Variants in INPP4B observed in about 807,000 individuals in gnomAD.
INPP4B encodes inositol polyphosphate-4-phosphatase type II B.
A neutral mutation model predicts 122.5 loss-of-function variants in INPP4B; 55 were observed. That is an observed-to-expected ratio of 0.45 (90% CI 0.36 to 0.56). The LOEUF is 0.56. Ranked by LOEUF, INPP4B falls within the 20% of genes least tolerant of loss-of-function variation. The pLI is 0.00. For synonymous variants in INPP4B, 403 were observed against 388.7 expected (o/e 1.04, Z -0.43); for missense variants, 1,000 against 1,097.7 (o/e 0.91, Z 1.26).
chr4:142,293,496 C>T (rs2636632), intron 9 of INPP4B, among the ~76,000 whole-genome samples: 123,363 of 152,106 alleles, frequency 0.81, 50,360 homozygotes, highest in East Asian at 0.93. Context: ...CTATTACTTC[C>T]GTCTTATTCT....
intron 25 of INPP4B, among the ~76,000 whole-genome samples, chr4:142,042,562 T>TATGTATGTATGTATGTATGTATG (rs1560915662): frequency 2.9e-5 from 1 of 34,704 alleles, no homozygotes; most frequent in African/African-American, 4.8e-5. Flanking sequence ...ATGTATGTAT[T>TATGTATGTATGTATGTATGTATG]TATTTATTTA....
intron 9 of INPP4B, among the ~76,000 whole-genome samples, chr4:142,284,506 G>C (rs918433799): frequency 2.0e-5 from 3 of 152,144 alleles, no homozygotes; most frequent in Admixed American, 2.0e-4. Flanking sequence ...TTCCTTCTCA[G>C]GGAAATGAAA....
At chr4:142,752,130 G>A (rs1356826912) in intron 1 of INPP4B, among the ~76,000 whole-genome samples, 1 of 151,990 alleles carries the variant, frequency 6.6e-6, no homozygotes, top group Non-Finnish European at 1.5e-5. Context: ...ACCTACTTAA[G>A]GAAGTAGACT....
chr4:142,134,272 C>T (rs1313488343), intron 18 of INPP4B, among the ~76,000 whole-genome samples: 1 of 152,050 alleles, frequency 6.6e-6, no homozygotes, highest in Non-Finnish European at 1.5e-5. Flanking sequence ...GGATGTGAGA[C>T]GCAGAGAATG....
intron 2 of INPP4B, among the ~76,000 whole-genome samples, chr4:142,717,219 G>C (rs1198028845): frequency 6.6e-6 from 1 of 152,150 alleles, no homozygotes; most frequent in Non-Finnish European, 1.5e-5. Flanking sequence ...AGTAAATTTT[G>C]AGACTAAATT....
rs950476330 is a variant in INPP4B at position 142,457,924 on chromosome 4, T to G, written c.-127+4739A>C. Among the ~76,000 whole-genome samples, 5 of 152,168 alleles carry G rather than the reference T, an allele frequency of 3.3e-5. No individual in the cohort carries two copies. In the East Asian group the frequency reaches 9.6e-4, roughly 29 times the overall value. Reference sequence around the variant, plus strand: ...TCTGGTAGTTTCTTATAAAATTAAATACACACCTACAGTATGACTCAGCAA... The same window carrying G: ...TCTGGTAGTTTCTTATAAAATTAAAGACACACCTACAGTATGACTCAGCAA... On this transcript the variant is annotated intron_variant, in intron 3 of 25. Transcript: ENST00000262992.
At chr4:142,531,395 T>C (rs1456304171) in intron 2 of INPP4B, among the ~76,000 whole-genome samples, 2 of 152,242 alleles carry the variant, frequency 1.3e-5, no homozygotes, top group African/African-American at 4.8e-5. Flanking sequence ...GAAAATTAAT[T>C]CTGTGATTTA....
chr4:142,281,159 C>T (rs1346414259), intron 9 of INPP4B, among the ~76,000 whole-genome samples: 3 of 150,720 alleles, frequency 2.0e-5, no homozygotes, highest in African/African-American at 7.3e-5. Flanking sequence ...GAAAAGAGTG[C>T]TACACCTTTT....
chr4:142,160,411 T>C lies in INPP4B; in HGVS notation c.1510A>G (p.Met504Val), dbSNP rs746650327. 1.9e-6 allele frequency: 3 copies of C among 1,604,300 alleles called. No homozygotes were observed. ...ESSPQDQPPV[M>V]RGQDSIPHHS... The stretch of plus-strand genomic sequence containing the variant: ...TGTGGTATGGAGTCCTGCCCTCTCA[T>C]CACTGGGGGTTGGTCTTGGGGACTG... The change falls in exon 17 of 26, where the codon ATG (methionine) becomes GTG (valine). Residue 504 changes from methionine to valine, a missense_variant. Transcript: ENST00000262992.
chr4:142,293,665 T>C (rs1757381087), intron 9 of INPP4B, among the ~76,000 whole-genome samples: 1 of 152,220 alleles, frequency 6.6e-6, no homozygotes, highest in Non-Finnish European at 1.5e-5. Flanking sequence ...GAAGCACTAT[T>C]GCAAACAATC....
intron 23 of INPP4B, among the ~76,000 whole-genome samples, chr4:142,099,272 T>C (rs1200441686): frequency 6.6e-6 from 1 of 152,180 alleles, no homozygotes; most frequent in Non-Finnish European, 1.5e-5. Flanking sequence ...AACATAATAT[T>C]CCTCTCTATT....
intron 10 of INPP4B, among the ~76,000 whole-genome samples, chr4:142,266,180 G>C (rs1742705983): frequency 6.6e-6 from 1 of 152,140 alleles, no homozygotes; most frequent in Non-Finnish European, 1.5e-5. Context: ...TAGTGACAAA[G>C]ATGAGTCTTA....
intron 7 of INPP4B, among the ~76,000 whole-genome samples, chr4:142,376,691 A>T (rs1460997168): frequency 6.6e-6 from 1 of 151,966 alleles, no homozygotes; most frequent in East Asian, 1.9e-4. Context: ...CACCCAACTC[A>T]AATTATTAAT....
chr4:142,791,908 C>A (rs748045326), intron 1 of INPP4B, among the ~76,000 whole-genome samples: 14 of 152,000 alleles, frequency 9.2e-5, no homozygotes, highest in Non-Finnish European at 2.1e-4. Context: ...CTGCTCACAG[C>A]CCACCTCCAA....
chr4:142,466,085 C>G (rs1454088001), intron 2 of INPP4B, among the ~76,000 whole-genome samples: 2 of 152,060 alleles, frequency 1.3e-5, no homozygotes, highest in Non-Finnish European at 2.9e-5. Flanking sequence ...TGGGGTGTTA[C>G]TATAGAGATT....
intron 2 of INPP4B, among the ~76,000 whole-genome samples, chr4:142,628,619 C>T (rs1747152421): frequency 6.6e-6 from 1 of 150,766 alleles, no homozygotes; most frequent in Non-Finnish European, 1.5e-5. Context: ...CGCACCATTT[C>T]CCTGCCATGA....
intron 7 of INPP4B, among the ~76,000 whole-genome samples, chr4:142,366,838 C>T (rs997234841): frequency 6.6e-6 from 1 of 152,130 alleles, no homozygotes; most frequent in African/African-American, 2.4e-5. Flanking sequence ...AAAGCAAGTC[C>T]TATTTGCTGT....
At chr4:142,179,199 G>A (rs868736680) in intron 15 of INPP4B, among the ~76,000 whole-genome samples, 4 of 152,058 alleles carry the variant, frequency 2.6e-5, no homozygotes, top group African/African-American at 4.8e-5. Context: ...TGGGCTGGGC[G>A]CAGTGGCTCA....
At chr4:142,839,010 C>A (rs1371002198) in intron 1 of INPP4B, among the ~76,000 whole-genome samples, 3 of 152,198 alleles carry the variant, frequency 2.0e-5, no homozygotes, top group Non-Finnish European at 4.4e-5. Context: ...GTTCAGTCTC[C>A]AAAAGGATGT....
Sources: allele counts gnomAD v4.1 joint callset (sites outside exome capture counted in the v4.1 genomes callset), GRCh38; gene constraint gnomAD v4.1.1; transcripts MANE v1.5; gene names NCBI Gene and HGNC (gene_info 2026-07-23, HGNC 2026-07-21).